The following PXK variants were observed in gnomAD, a reference collection of about 807,000 sequenced individuals.
PXK encodes PX domain-containing protein kinase-like protein.
In PXK, 35 loss-of-function variants were observed where a neutral mutation model predicts 84.7. The ratio of observed to expected loss-of-function variants is 0.41; its 90% CI spans 0.32 to 0.55. The LOEUF is 0.55. Among genes scored for constraint, PXK ranks in the 20% least tolerant of loss-of-function variants. The pLI, the probability that PXK is intolerant of heterozygous loss-of-function variation, is 0.21. For synonymous variants in PXK, 253 were observed against 260.8 expected, an observed-to-expected ratio of 0.97 and a Z score of 0.29; for missense variants, 634 against 699.7, an observed-to-expected ratio of 0.91 and a Z score of 1.06.
At chr3:58,345,285 C>G (rs2097795326) in intron 1 of PXK, among the ~76,000 whole-genome samples, 1 of 152,118 alleles carries the variant, frequency 6.6e-6, no homozygotes, top group Admixed American at 6.6e-5. Context: ...ATGCCTCAGC[C>G]TTTTCTAACT....
At position 58,409,128 on chromosome 3, in the gene PXK, A is replaced by T. The variant is rs1482680220; in HGVS notation, c.1308+127A>T. 4.3e-6 allele frequency: 3 copies of T among 702,688 alleles called. No homozygotes were observed. The highest frequency in any genetic ancestry group is 7.2e-6 in the Non-Finnish European group (3 of 416,502). 43.5% of individuals were successfully genotyped at this position (702,688 alleles called of 1,614,324 possible). A position where few individuals can be genotyped will look rare whatever the true frequency, so the allele number is the denominator to read the frequency against. On this transcript the variant is annotated intron_variant, in intron 14 of 17. Coordinates refer to ENST00000356151, the MANE Select transcript of PXK (RefSeq NM_017771.5). The surrounding 1 kb of genome is among the most constrained non-coding windows in gnomAD (Gnocchi z 4.2). ...GCATACTTACTCTCAGCCAGCCTTT[A>T]GGCTAAATGCTTCCCTGCAGAGCTG...
At chr3:58,348,570 A>G (rs1427501888) in intron 1 of PXK, among the ~76,000 whole-genome samples, 1 of 152,162 alleles carries the variant, frequency 6.6e-6, no homozygotes, top group Non-Finnish European at 1.5e-5. Flanking sequence ...AATATATTTA[A>G]CCCAATATAT....
At chr3:58,423,553 T>C (rs1013072154) in intron 17 of PXK, 6 of 1,527,490 alleles carry the variant, frequency 3.9e-6, no homozygotes, top group Non-Finnish European at 5.3e-6. Context: ...GTGAAAAGGA[T>C]GTACTTACCT....
At chr3:58,415,629 ATGT>A (rs1186676301) in intron 17 of PXK, among the ~76,000 whole-genome samples, 2 of 152,186 alleles carry the variant, frequency 1.3e-5, no homozygotes, top group Non-Finnish European at 2.9e-5. Context: ...CCATATAGAA[ATGT>A]TGTTATAGAA....
rs987066105 is a variant in PXK at position 58,411,281 on chromosome 3, G to A, written c.1465+1122G>A. ...GCATGACCAGAGCTGGAGATTGGCA[G>A]CCCTGAATAGAGAAAGCCCATAAAC... is the stretch of plus-strand genomic sequence containing the variant. On this transcript the variant is annotated intron_variant, in intron 16 of 17. Transcript: ENST00000356151. This position sits in a 1 kb window ranked among gnomAD's most constrained non-coding sequence, Gnocchi z 4.2. 7.9e-5 allele frequency among the ~76,000 whole-genome samples: 12 copies of A among 152,186 alleles called. No homozygotes were observed. The highest frequency in any genetic ancestry group is 4.4e-5 in the Non-Finnish European group (3 of 68,038).
At chr3:58,371,780 C>A (rs536304329) in intron 3 of PXK, among the ~76,000 whole-genome samples, 4 of 152,132 alleles carry the variant, frequency 2.6e-5, no homozygotes, top group Admixed American at 1.3e-4. Flanking sequence ...TGCAAATATC[C>A]CCATGTATTG....
Position 58,411,158 on chromosome 3 carries a change from G to A in PXK, c.1465+999G>A, listed in dbSNP as rs1477904575. Among the ~76,000 whole-genome samples the A allele has an allele frequency of 6.6e-6, 1 of 152,326 alleles. No individual in the cohort carries two copies. The highest frequency in any genetic ancestry group is 1.9e-4 in the East Asian group (1 of 5,184). Reference sequence around the variant, plus strand: ...CCTCAGTCTTCTCAGTGAAGTCAGGGAGGAGAATGTCTGCCTGGGGCGGGA... The same window carrying A: ...CCTCAGTCTTCTCAGTGAAGTCAGGAAGGAGAATGTCTGCCTGGGGCGGGA... On this transcript the variant is annotated intron_variant, in intron 16 of 17. Coordinates refer to ENST00000356151, the MANE Select transcript of PXK (RefSeq NM_017771.5). The surrounding 1 kb of genome is among the most constrained non-coding windows in gnomAD (Gnocchi z 4.2).
rs892428255 is a variant in PXK, at chr3:58,379,456, A to C, written c.202-3058A>C. 1 of 157,764 alleles carries C rather than the reference A, an allele frequency of 6.3e-6. No individual in the cohort carries two copies. Among genetic ancestry groups the C allele is most frequent in the Non-Finnish European group, 1.5e-5 (1 of 68,406 alleles). 9.8% of individuals were successfully genotyped at this position (157,764 alleles called of 1,614,324 possible). ...ACATTATCTTCCCATAATTCTGGCAAAAAGGAGTCCTGGGATACCTCTGAA... is the reference window on the plus strand; with the variant it reads ...ACATTATCTTCCCATAATTCTGGCACAAAGGAGTCCTGGGATACCTCTGAA... On this transcript the variant is annotated intron_variant, in intron 3 of 17. Coordinates refer to ENST00000356151, the MANE Select transcript of PXK (RefSeq NM_017771.5). This position sits in a 1 kb window ranked among gnomAD's most constrained non-coding sequence, Gnocchi z 5.1.
intron 17 of PXK, 85 bp from the exon 18 acceptor site, chr3:58,424,667 G>C: frequency 6.6e-7 from 1 of 1,514,350 alleles, no homozygotes; most frequent in Admixed American, 2.1e-5. Context: ...ACTCTCACCA[G>C]TCCGTTGTGC....
intron 1 of PXK, among the ~76,000 whole-genome samples, chr3:58,356,114 C>T (rs769146400): frequency 3.9e-5 from 6 of 152,220 alleles, no homozygotes; most frequent in Admixed American, 1.3e-4. Context: ...TCAGAAATCA[C>T]GTGGTCCTGG....
rs1196001568 is a variant in PXK, at chr3:58,400,013, C to G, written c.1181+636C>G. Reference sequence around the variant, plus strand: ...CCTTCAGGTGCATTTTCTGTTCTTTCATGGAAAGGCAGCAGAGTGGTTAAG... The same window carrying G: ...CCTTCAGGTGCATTTTCTGTTCTTTGATGGAAAGGCAGCAGAGTGGTTAAG... On this transcript the variant is annotated intron_variant, in intron 12 of 17. Coordinates refer to ENST00000356151, the MANE Select transcript of PXK (RefSeq NM_017771.5). The surrounding 1 kb of genome is among the most constrained non-coding windows in gnomAD (Gnocchi z 4.0). Among the ~76,000 whole-genome samples, 1 of 152,004 alleles carries G rather than the reference C, an allele frequency of 6.6e-6. No homozygotes were observed. The highest frequency in any genetic ancestry group is 1.9e-4 in the East Asian group (1 of 5,184).
At chr3:58,373,853 G>A (rs2098411131) in intron 3 of PXK, among the ~76,000 whole-genome samples, 1 of 151,894 alleles carries the variant, frequency 6.6e-6, no homozygotes, top group African/African-American at 2.4e-5. Flanking sequence ...AGACCATCCT[G>A]GCTAACATGG....
At chr3:58,415,257 A>G (rs927034419) in intron 17 of PXK, among the ~76,000 whole-genome samples, 4 of 152,162 alleles carry the variant, frequency 2.6e-5, no homozygotes. Flanking sequence ...ACCTGGAGAT[A>G]GCGTCAGACC....
chr3:58,338,656 C>T (rs998287411), intron 1 of PXK, among the ~76,000 whole-genome samples: 6 of 151,250 alleles, frequency 4.0e-5, no homozygotes, highest in Non-Finnish European at 7.4e-5. Context: ...TGTTTGCATA[C>T]TGTGTGATAG....
chr3:58,364,167 A>C lies in PXK; in HGVS notation c.103-1707A>C, dbSNP rs2098234467. Among the ~76,000 whole-genome samples the C allele has an allele frequency of 6.6e-6, 1 of 152,128 alleles. No homozygotes were observed. The highest frequency in any genetic ancestry group is 2.4e-5 in the African/African-American group (1 of 41,432). On this transcript the variant is annotated intron_variant, in intron 1 of 17. Transcript: ENST00000356151. This position sits in a 1 kb window ranked among gnomAD's most constrained non-coding sequence, Gnocchi z 4.3. ...TATTTTGGTAAGGATTTTTGAGCCT[A>C]TGTTTGTGAATGGTATTGATCTATA...
Position 58,412,885 on chromosome 3 carries a change from C to G in PXK, c.1466-16C>G. The G allele has an allele frequency of 6.2e-7, 1 of 1,614,096 alleles. No homozygotes were observed. The highest frequency in any genetic ancestry group is 1.3e-5 in the African/African-American group (1 of 75,060). ...TTCGTTGGTCCCCATGAGGGTTTCT[C>G]TGTGTTTTATCTTAGCAGGATCTGG... On this transcript the variant is annotated splice_polypyrimidine_tract_variant and intron_variant, in intron 16 of 17. Transcript: ENST00000356151. This position sits in a 1 kb window ranked among gnomAD's most constrained non-coding sequence, Gnocchi z 6.2.
chr3:58,337,759 T>G (rs929195967), intron 1 of PXK, among the ~76,000 whole-genome samples: 1 of 152,136 alleles, frequency 6.6e-6, no homozygotes, highest in Non-Finnish European at 1.5e-5. Context: ...TGTGAGCCAC[T>G]GTACCTGGCC....
At chr3:58,347,833 A>T (rs916571448) in intron 1 of PXK, among the ~76,000 whole-genome samples, 1 of 152,214 alleles carries the variant, frequency 6.6e-6, no homozygotes, top group African/African-American at 2.4e-5. Context: ...TTTGAATTGC[A>T]TTAGTTATTA....
intron 1 of PXK, among the ~76,000 whole-genome samples, chr3:58,334,931 GT>G (rs1559822695): frequency 0.022 from 2,417 of 111,556 alleles, 22 homozygotes; most frequent in African/African-American, 0.026. Context: ...TTGTAAGGGT[GT>G]GTGTGTGTGT....
Sources: gnomAD v4.1 joint callset for allele counts (sites outside exome capture counted in the v4.1 genomes callset) on GRCh38, gnomAD v4.1.1 for gene constraint, Gnocchi (gnomAD v3.1) non-coding constraint, MANE v1.5 for transcripts, NCBI Gene and HGNC (gene_info 2026-07-23, HGNC 2026-07-21) for gene names.